Variants in BMPR1B observed in about 807,000 individuals in gnomAD.
BMPR1B encodes bone morphogenetic protein receptor type-1B.
In BMPR1B, 12 loss-of-function variants were observed where a neutral mutation model predicts 59.1. The observed-to-expected ratio is 0.20, with a 90% CI of 0.13 to 0.33. The LOEUF (loss-of-function observed/expected upper bound fraction) is 0.33, where lower values mean the gene tolerates loss of function less well. Among genes scored for constraint, BMPR1B ranks in the 10% least tolerant of loss-of-function variants. BMPR1B has a pLI of 1.00. For missense variants in BMPR1B, 550 were observed against 610.9 expected, an observed-to-expected ratio of 0.90 and a Z score of 1.05; for synonymous variants, 237 against 207.3, an observed-to-expected ratio of 1.14 and a Z score of -1.23.
chr4:95,041,611 CTTT>C (rs71583682), intron 3 of BMPR1B, among the ~76,000 whole-genome samples: 2 of 145,468 alleles, frequency 1.4e-5, no homozygotes, highest in African/African-American at 2.5e-5. Flanking sequence ...ACTGAATGGA[CTTT>C]TTTTTTTTTT....
At chr4:94,854,689 T>C (rs1260069384) in intron 1 of BMPR1B, among the ~76,000 whole-genome samples, 1 of 152,162 alleles carries the variant, frequency 6.6e-6, no homozygotes, top group African/African-American at 2.4e-5. Flanking sequence ...CCATGAAAAC[T>C]CTTCGTTTGG....
At position 94,864,747 on chromosome 4, in the gene BMPR1B, A is replaced by G. The variant is rs376684062; in HGVS notation, c.-182-11084A>G. Among the ~76,000 whole-genome samples, 28 of 152,330 alleles carry G rather than the reference A, an allele frequency of 1.8e-4. 1 individual carries two copies. In the South Asian group the frequency reaches 5.8e-3, roughly 32 times the overall value. Reference sequence around the variant, plus strand: ...ACGTAAATGTTATGTAAATAGTTATACTATATTGCTTAGGGAATAATGACA... The same window carrying G: ...ACGTAAATGTTATGTAAATAGTTATGCTATATTGCTTAGGGAATAATGACA... On this transcript the variant is annotated intron_variant, in intron 1 of 12. Coordinates refer to ENST00000515059, the MANE Select transcript of BMPR1B (RefSeq NM_001203.3).
At chr4:94,851,911 A>T (rs1022347099) in intron 1 of BMPR1B, among the ~76,000 whole-genome samples, 6 of 152,190 alleles carry the variant, frequency 3.9e-5, no homozygotes, top group African/African-American at 1.2e-4. Context: ...TTTGTCCTGT[A>T]CATCTTCGTA....
chr4:95,050,548 G>T (rs866576457), intron 3 of BMPR1B, among the ~76,000 whole-genome samples: 2 of 152,164 alleles, frequency 1.3e-5, no homozygotes. Flanking sequence ...GCTGGGAGGT[G>T]CAGGATGGGG....
At chr4:95,054,012 T>C (rs1173835555) in intron 3 of BMPR1B, among the ~76,000 whole-genome samples, 1 of 152,188 alleles carries the variant, frequency 6.6e-6, no homozygotes, top group African/African-American at 2.4e-5. Flanking sequence ...TGATAAATGA[T>C]GTGTTCATGA....
chr4:94,848,625 TGG>T (rs1725437286), intron 1 of BMPR1B, among the ~76,000 whole-genome samples: 1 of 90,906 alleles, frequency 1.1e-5, no homozygotes, highest in African/African-American at 6.5e-5. Flanking sequence ...TTTAGTGACA[TGG>T]AAAGTCATTG....
chr4:95,066,730 G>A (rs1727834682), intron 3 of BMPR1B, among the ~76,000 whole-genome samples: 1 of 152,112 alleles, frequency 6.6e-6, no homozygotes, highest in Non-Finnish European at 1.5e-5. Context: ...GCAAATTATT[G>A]GGTCTCAACT....
At chr4:94,815,702 G>A (rs548436644) in intron 1 of BMPR1B, among the ~76,000 whole-genome samples, 10 of 152,258 alleles carry the variant, frequency 6.6e-5, no homozygotes, top group African/African-American at 2.4e-4. Context: ...CCTACTCTAA[G>A]CATTGGATTC....
chr4:94,905,106 T>C (rs1390575434), intron 2 of BMPR1B, among the ~76,000 whole-genome samples: 2 of 152,038 alleles, frequency 1.3e-5, no homozygotes, highest in Admixed American at 6.6e-5. Flanking sequence ...TTTACAGATA[T>C]TGTCCAAAGA....
chr4:94,934,179 A>G (rs1158084676), intron 2 of BMPR1B, among the ~76,000 whole-genome samples: 1 of 152,190 alleles, frequency 6.6e-6, no homozygotes, highest in Non-Finnish European at 1.5e-5. Context: ...CAATCTTCCC[A>G]TGAAATACTT....
intron 2 of BMPR1B, among the ~76,000 whole-genome samples, chr4:94,877,805 G>A (rs1354217019): frequency 2.7e-5 from 4 of 146,448 alleles, no homozygotes; most frequent in East Asian, 3.8e-4. Context: ...GTATAGAAGT[G>A]TAATATTTAT....
chr4:95,012,075 T>C (rs1231249519), intron 3 of BMPR1B, among the ~76,000 whole-genome samples: 1 of 151,830 alleles, frequency 6.6e-6, no homozygotes, highest in East Asian at 1.9e-4. Context: ...AAGATGGATG[T>C]TAGGTGATAA....
chr4:94,913,120 AT>A (rs1331068435), intron 2 of BMPR1B, among the ~76,000 whole-genome samples: 1 of 152,094 alleles, frequency 6.6e-6, no homozygotes. Flanking sequence ...ATTTGATGTA[AT>A]TTTTTATTTG....
intron 2 of BMPR1B, among the ~76,000 whole-genome samples, chr4:94,982,128 A>C (rs943266155): frequency 6.6e-6 from 1 of 152,238 alleles, no homozygotes; most frequent in Non-Finnish European, 1.5e-5. Context: ...GAATACATAA[A>C]AAACAATGAA....
At chr4:94,973,999 G>GT (rs1236921498) in intron 2 of BMPR1B, among the ~76,000 whole-genome samples, 1 of 152,182 alleles carries the variant, frequency 6.6e-6, no homozygotes, top group Non-Finnish European at 1.5e-5. Context: ...TTTCCAGAAT[G>GT]TTTATGTCAA....
chr4:95,154,813 TC>T lies in BMPR1B; in HGVS notation c.*141del. The T allele has an allele frequency of 1.6e-6, 2 of 1,239,942 alleles. No homozygotes were observed. Among genetic ancestry groups the T allele is most frequent in the South Asian group, 2.6e-5 (2 of 77,586 alleles). The allele number at this position is 1,239,942 out of a possible 1,614,324, so 76.8% of individuals were successfully genotyped here. A position where few individuals can be genotyped will look rare whatever the true frequency, so the allele number is the denominator to read the frequency against. ...CTTCCCAGTGGGTTCAGACCTCACC[TC>T]TCAGGGAGCGACCTGGGCAAAGACA... is the stretch of plus-strand genomic sequence containing the variant. On this transcript the variant is annotated 3_prime_UTR_variant, in exon 13 of 13. Coordinates refer to ENST00000515059, the MANE Select transcript of BMPR1B (RefSeq NM_001203.3).
intron 1 of BMPR1B, among the ~76,000 whole-genome samples, chr4:94,781,247 T>C (rs1722578990): frequency 1.3e-5 from 2 of 152,166 alleles, no homozygotes; most frequent in African/African-American, 2.4e-5. Flanking sequence ...AGATATATGA[T>C]TTGCAAATAT....
intron 1 of BMPR1B, among the ~76,000 whole-genome samples, chr4:94,842,890 G>A (rs551453576): frequency 1.5e-4 from 22 of 146,392 alleles, no homozygotes; most frequent in Admixed American, 6.8e-4. Flanking sequence ...TTCATTTTGC[G>A]TATACCTACA....
intron 1 of BMPR1B, among the ~76,000 whole-genome samples, chr4:94,853,646 T>C (rs1465609006): frequency 6.6e-6 from 1 of 152,120 alleles, no homozygotes; most frequent in Non-Finnish European, 1.5e-5. Flanking sequence ...CTTTTTAAAA[T>C]TTATTTAGGG....
Sources: allele counts gnomAD v4.1 joint callset (sites outside exome capture counted in the v4.1 genomes callset), GRCh38; gene constraint gnomAD v4.1.1; transcripts MANE v1.5; gene names NCBI Gene and HGNC (gene_info 2026-07-23, HGNC 2026-07-21).